The following GRID2IP variants were observed in gnomAD, a reference collection of about 807,000 sequenced individuals.
The protein encoded by GRID2IP is Grid2 interacting protein.
Under a neutral mutation model 114.3 loss-of-function variants are expected in GRID2IP, and 78 were observed. The ratio of observed to expected loss-of-function variants is 0.68; its 90% CI spans 0.57 to 0.82. GRID2IP has a LOEUF of 0.82. Ranked by LOEUF, GRID2IP falls within the 40% of genes least tolerant of loss-of-function variation. The probability of loss-of-function intolerance (pLI) is 0.00; values close to 1 mark genes in which losing one functional copy is unlikely to be tolerated. For synonymous variants in GRID2IP, 809 were observed against 724.0 expected (o/e 1.12, Z -1.89); for missense variants, 1,727 against 1,678.5 (o/e 1.03, Z -0.51).
chr7:6,545,483 C>T (rs1277931993), intron 1 of GRID2IP, among the ~76,000 whole-genome samples: 3 of 152,120 alleles, frequency 2.0e-5, no homozygotes, highest in South Asian at 2.1e-4. Context: ...GATCTTCAGC[C>T]GAGAGCTCGC....
In GRID2IP at chr7:6,534,591, T is replaced by C. The variant is rs1270328080; in HGVS notation, c.584+5127A>G. 6.6e-6 allele frequency among the ~76,000 whole-genome samples: 1 copy of C among 152,208 alleles called. No homozygotes were observed. Among genetic ancestry groups the C allele is most frequent in the Non-Finnish European group, 1.5e-5 (1 of 68,036 alleles). ...TCTGTGACGATGGACAAGGTCTACA[T>C]CCGCCTGGTCCTGTACGGTAGCCGC... On this transcript the variant is annotated intron_variant, in intron 2 of 21. Coordinates refer to ENST00000457091, the MANE Select transcript of GRID2IP (RefSeq NM_001145118.2). The surrounding 1 kb of genome is among the most constrained non-coding windows in gnomAD (Gnocchi z 4.5).
At chr7:6,504,096 G>C (rs1786502419) in intron 15 of GRID2IP, among the ~76,000 whole-genome samples, 1 of 150,824 alleles carries the variant, frequency 6.6e-6, no homozygotes, top group Non-Finnish European at 1.5e-5. Context: ...GCGGGGACTG[G>C]GCTACTGGAG....
rs1779309261 is a variant in GRID2IP, at chr7:6,516,657, G to A, written c.1269-2128C>T. On this transcript the variant is annotated intron_variant, in intron 7 of 21. Transcript: ENST00000457091. This position sits in a 1 kb window ranked among gnomAD's most constrained non-coding sequence, Gnocchi z 4.3. ...GCCCGCAGCCACCCAGAGGCCTAAC[G>A]CTGTCCCTGTGATGCTGTGCTTCAG... Among the ~76,000 whole-genome samples, 2 of 152,182 alleles carry A rather than the reference G, an allele frequency of 1.3e-5. No homozygotes were observed. The highest frequency in any genetic ancestry group is 4.1e-4 in the South Asian group (2 of 4,820).
intron 14 of GRID2IP, among the ~76,000 whole-genome samples, chr7:6,505,283 T>C (rs1459483903): frequency 6.6e-6 from 1 of 152,038 alleles, no homozygotes; most frequent in Middle Eastern, 3.4e-3. Flanking sequence ...GATCACATTA[T>C]GTACATCACA....
chr7:6,541,906 C>T (rs527857853), intron 1 of GRID2IP, among the ~76,000 whole-genome samples: 4 of 152,274 alleles, frequency 2.6e-5, no homozygotes, highest in African/African-American at 4.8e-5. Flanking sequence ...AACACTAAGA[C>T]GTTGGCAGCA....
At position 6,504,777 on chromosome 7, in the gene GRID2IP, T is replaced by G; in HGVS notation, c.2710+16A>C. The G allele has an allele frequency of 1.3e-6, 2 of 1,547,582 alleles. No homozygotes were observed. The highest frequency in any genetic ancestry group is 2.4e-5 in the East Asian group (1 of 40,854). On this transcript the variant is annotated intron_variant, in intron 15 of 21. Coordinates refer to ENST00000457091, the MANE Select transcript of GRID2IP (RefSeq NM_001145118.2). The stretch of plus-strand genomic sequence containing the variant: ...CGCCTGCCCCCTACACCCCCTGGGG[T>G]TCCCCGGACCCTCACAGGTGTTGTA...
At chr7:6,499,765 C>T (rs773050209) in intron 20 of GRID2IP, among the ~76,000 whole-genome samples, 2 of 151,478 alleles carry the variant, frequency 1.3e-5, no homozygotes, top group African/African-American at 4.9e-5. Flanking sequence ...GGGTCTCACT[C>T]TGTCACCTGG....
intron 8 of GRID2IP, 106 bp from the exon 9 acceptor site, chr7:6,511,145 C>A: frequency 1.6e-6 from 2 of 1,264,226 alleles, no homozygotes; most frequent in East Asian, 3.1e-5. Context: ...AATATGCAGA[C>A]CCCAAGCTAC....
At chr7:6,542,601 T>C (rs1779830149) in intron 1 of GRID2IP, among the ~76,000 whole-genome samples, 1 of 152,098 alleles carries the variant, frequency 6.6e-6, no homozygotes, top group African/African-American at 2.4e-5. Context: ...GAGGCTGCAG[T>C]GAGCCAAGAT....
chr7:6,513,333 G>C (rs1346707258), intron 8 of GRID2IP, among the ~76,000 whole-genome samples: 5 of 150,584 alleles, frequency 3.3e-5, no homozygotes, highest in Non-Finnish European at 5.9e-5. Flanking sequence ...TCCCACCTCA[G>C]CCTCCTAAGT....
In GRID2IP at chr7:6,503,518, G is replaced by C; in HGVS notation, c.2880C>G (p.Leu960=). The C allele has an allele frequency of 6.6e-7, 1 of 1,525,996 alleles. No homozygotes were observed. Among genetic ancestry groups the C allele is most frequent in the Non-Finnish European group, 8.7e-7 (1 of 1,143,222 alleles). The allele number at this position is 1,525,996 out of a possible 1,614,324, so 94.5% of individuals were successfully genotyped here. The change falls in exon 16 of 22, where the codon CTC becomes CTG. Residue 960 remains leucine, a synonymous_variant. Coordinates refer to ENST00000457091, the MANE Select transcript of GRID2IP (RefSeq NM_001145118.2). ...GCAGGACGAACTGGTCCGGCTCGCT[G>C]AGGCGGCCGGGCGCCTCGCGGAAGG... ...YQAFREAPGR[L]SEPDQFVLQM...
In GRID2IP at chr7:6,551,337, T is replaced by C. The variant is rs2115106947; in HGVS notation, c.100A>G (p.Lys34Glu). ...SGPCFVLEVA[K>E]GSSAHAGGLR... ...CCTCCGGCATGCGCGCTGCTCCCCT[T>C]GGCCACCTCCAGGACGAAGCAGGGG... The change falls in exon 1 of 22, where the codon AAG (lysine) becomes GAG (glutamate). Residue 34 changes from lysine to glutamate, a missense_variant. Lys to Glu is a moderately conservative substitution (Grantham distance 56). Coordinates refer to ENST00000457091, the MANE Select transcript of GRID2IP (RefSeq NM_001145118.2). 5 of 1,548,338 alleles carry C rather than the reference T, an allele frequency of 3.2e-6. No individual in the cohort carries two copies. Among genetic ancestry groups the C allele is most frequent in the Non-Finnish European group, 4.4e-6 (5 of 1,146,684 alleles).
In GRID2IP at chr7:6,532,342, C is replaced by A. The variant is rs982954057; in HGVS notation, c.585-5573G>T. On this transcript the variant is annotated intron_variant, in intron 2 of 21. Coordinates refer to ENST00000457091, the MANE Select transcript of GRID2IP (RefSeq NM_001145118.2). The surrounding 1 kb of genome is among the most constrained non-coding windows in gnomAD (Gnocchi z 4.4). ...AGGCGGGAACAGGAGAGGCAAGATGCCCCGGGGACTTTCCCTCTGTCTCAC... is the reference window on the plus strand; with the variant it reads ...AGGCGGGAACAGGAGAGGCAAGATGACCCGGGGACTTTCCCTCTGTCTCAC... Among the ~76,000 whole-genome samples, 1 of 152,070 alleles carries A rather than the reference C, an allele frequency of 6.6e-6. No homozygotes were observed. The highest frequency in any genetic ancestry group is 2.4e-5 in the African/African-American group (1 of 41,372).
chr7:6,499,099 T>G (rs1400326999), intron 20 of GRID2IP, among the ~76,000 whole-genome samples: 2 of 152,214 alleles, frequency 1.3e-5, no homozygotes, highest in Non-Finnish European at 2.9e-5. Flanking sequence ...TCCAAGCTTG[T>G]TGAATCATCG....
intron 7 of GRID2IP, among the ~76,000 whole-genome samples, chr7:6,517,886 G>C (rs1358669348): frequency 6.6e-6 from 1 of 151,198 alleles, no homozygotes; most frequent in African/African-American, 2.4e-5. Flanking sequence ...CTGGGCGACA[G>C]AGCAAAACTC....
rs1387337830 is a variant in GRID2IP, at chr7:6,532,100, TC to T, written c.585-5332del. 6.6e-6 allele frequency among the ~76,000 whole-genome samples: 1 copy of T among 152,044 alleles called. No individual in the cohort carries two copies. The highest frequency in any genetic ancestry group is 1.5e-5 in the Non-Finnish European group (1 of 67,988). On this transcript the variant is annotated intron_variant, in intron 2 of 21. Coordinates refer to ENST00000457091, the MANE Select transcript of GRID2IP (RefSeq NM_001145118.2). This position sits in a 1 kb window ranked among gnomAD's most constrained non-coding sequence, Gnocchi z 4.4. ...GAGGTCTGGACTCATCCCTGGAGGC[TC>T]TGGGCCTGCCATCCCCTGAACAGCA... is the stretch of plus-strand genomic sequence containing the variant.
chr7:6,539,133 CTT>C (rs35413221), intron 2 of GRID2IP, among the ~76,000 whole-genome samples: 3 of 144,316 alleles, frequency 2.1e-5, no homozygotes, highest in Non-Finnish European at 1.5e-5. Flanking sequence ...AGACTGTGAC[CTT>C]TTTTTTTTTT....
At chr7:6,504,212 A>T (rs1052230506) in intron 15 of GRID2IP, among the ~76,000 whole-genome samples, 2 of 148,376 alleles carry the variant, frequency 1.3e-5, no homozygotes, top group East Asian at 4.0e-4. Flanking sequence ...GGCCGGGGCT[A>T]CTGTGAGGAG....
In GRID2IP at chr7:6,519,834, C is replaced by A. The variant is rs949614727; in HGVS notation, c.1268+744G>T. Among the ~76,000 whole-genome samples the A allele has an allele frequency of 6.6e-6, 1 of 152,160 alleles. No homozygotes were observed. Among genetic ancestry groups the A allele is most frequent in the Non-Finnish European group, 1.5e-5 (1 of 68,036 alleles). On this transcript the variant is annotated intron_variant, in intron 7 of 21. Transcript: ENST00000457091. This position sits in a 1 kb window ranked among gnomAD's most constrained non-coding sequence, Gnocchi z 4.1. ...GACAAGTGACAGGCTTTGCAGAGAC[C>A]ATAATAATGACCCCATGGACCGAGG...
Sources: allele counts gnomAD v4.1 joint callset (sites outside exome capture counted in the v4.1 genomes callset), GRCh38; gene constraint gnomAD v4.1.1; non-coding constraint Gnocchi (gnomAD v3.1); transcripts MANE v1.5; gene names NCBI Gene and HGNC (gene_info 2026-07-23, HGNC 2026-07-21).